Variants in SLC5A4 observed in about 807,000 individuals in gnomAD.
SLC5A4 encodes the protein solute carrier family 5 member 4.
A neutral mutation model predicts 70.3 loss-of-function variants in SLC5A4; 55 were observed. The ratio of observed to expected loss-of-function variants is 0.78; its 90% CI spans 0.63 to 0.98. SLC5A4 has a LOEUF of 0.98. Ranked by LOEUF, SLC5A4 falls within the 50% of genes least tolerant of loss-of-function variation. SLC5A4 has a pLI of 0.00. For synonymous variants in SLC5A4, 268 were observed against 305.7 expected (o/e 0.88, Z 1.29); for missense variants, 735 against 839.2 (o/e 0.88, Z 1.53).
the SLC5A4 span, among the ~76,000 whole-genome samples, chr22:32,294,375 C>T: frequency 2.0e-5 from 3 of 148,866 alleles, no homozygotes; most frequent in African/African-American, 7.4e-5. Flanking sequence ...TGCATATGCA[C>T]ATGCAATTGT....
At chr22:32,324,580 C>T in the SLC5A4 span, among the ~76,000 whole-genome samples, 1 of 152,192 alleles carries the variant, frequency 6.6e-6, no homozygotes, top group African/African-American at 2.4e-5. Flanking sequence ...ACTGGGCGCC[C>T]CTTCAGCGCA....
At chr22:32,323,370 G>A in the SLC5A4 span, among the ~76,000 whole-genome samples, 4 of 152,292 alleles carry the variant, frequency 2.6e-5, no homozygotes, top group East Asian at 7.7e-4. Flanking sequence ...ACCAAGCTCT[G>A]GGATAAAGTC....
the SLC5A4 span, among the ~76,000 whole-genome samples, chr22:32,263,914 C>G: frequency 6.6e-6 from 1 of 152,098 alleles, no homozygotes; most frequent in African/African-American, 2.4e-5. Context: ...ATGGATTAAG[C>G]TGGGAACCAT....
the SLC5A4 span, among the ~76,000 whole-genome samples, chr22:32,354,459 T>C: frequency 6.9e-6 from 1 of 145,718 alleles, no homozygotes; most frequent in African/African-American, 2.6e-5. Flanking sequence ...GCCCTGGATA[T>C]AACACGTCCC....
At chr22:32,301,252 C>T in the SLC5A4 span, among the ~76,000 whole-genome samples, 4 of 152,182 alleles carry the variant, frequency 2.6e-5, no homozygotes, top group South Asian at 2.1e-4. Flanking sequence ...TAAGCCGCCA[C>T]GCCCAGCCAC....
At chr22:32,237,150 C>G (rs1850836564) in intron 7 of SLC5A4, 94 bp downstream of exon 7, 2 of 828,728 alleles carry the variant, frequency 2.4e-6, no homozygotes, top group Non-Finnish European at 4.1e-6. Flanking sequence ...CCAGATGGAA[C>G]TGGAAGGCAT....
At chr22:32,241,775 ATGTGTGTG>A (rs373261572) in intron 5 of SLC5A4, among the ~76,000 whole-genome samples, 4 of 139,104 alleles carry the variant, frequency 2.9e-5, no homozygotes, top group Non-Finnish European at 4.6e-5. Context: ...ACATATATAT[ATGTGTGTG>A]TGTGTGTGTG....
the SLC5A4 span, among the ~76,000 whole-genome samples, chr22:32,309,189 T>C: frequency 6.6e-6 from 1 of 151,934 alleles, no homozygotes; most frequent in Non-Finnish European, 1.5e-5. Flanking sequence ...CTACCAGCTA[T>C]TGGTTCTGAA....
chr22:32,351,392 G>A, the SLC5A4 span, among the ~76,000 whole-genome samples: 3 of 151,346 alleles, frequency 2.0e-5, no homozygotes, highest in Admixed American at 6.6e-5. Flanking sequence ...AAACAATAAC[G>A]GACCGATCAT....
chr22:32,229,080 C>A, intron 11 of SLC5A4, 114 bp downstream of exon 11: 2 of 969,382 alleles, frequency 2.1e-6, no homozygotes, highest in Non-Finnish European at 3.1e-6. Context: ...TGTCTCTTCC[C>A]TCTACCCAGA....
In SLC5A4 at chr22:32,239,916, C is replaced by T. The variant is rs368524973; in HGVS notation, c.478-826G>A. On this transcript the variant is annotated intron_variant, in intron 5 of 14. Coordinates refer to ENST00000266086, the MANE Select transcript of SLC5A4 (RefSeq NM_014227.3). ...GCAGCCGTGTGTAGTCCCAGCTACT[C>T]GGGAGGCTGAGGCAGGAGAATGGTG... Among the ~76,000 whole-genome samples, 688 of 144,144 alleles carry T rather than the reference C, an allele frequency of 4.8e-3. 1 individual carries two copies. The highest frequency in any genetic ancestry group is 0.017 in the African/African-American group (673 of 38,906). The allele number at this position is 144,144 out of a possible 152,430, so 94.6% of individuals were successfully genotyped here. A position where few individuals can be genotyped will look rare whatever the true frequency, so the allele number is the denominator to read the frequency against.
At chr22:32,269,435 C>T in the SLC5A4 span, 1 of 492,216 alleles carries the variant, frequency 2.0e-6, no homozygotes, top group South Asian at 1.8e-5. The surrounding 1 kb of genome is among the most constrained non-coding windows in gnomAD (Gnocchi z 4.1). Flanking sequence ...CATCATCGCC[C>T]TGCAGTTCCT....
chr22:32,308,014 A>C, the SLC5A4 span, among the ~76,000 whole-genome samples: 1 of 152,152 alleles, frequency 6.6e-6, no homozygotes, highest in Non-Finnish European at 1.5e-5. Context: ...TGGCCCTTCA[A>C]CATTGATAAG....
the SLC5A4 span, among the ~76,000 whole-genome samples, chr22:32,345,925 T>G: frequency 6.6e-6 from 1 of 152,202 alleles, no homozygotes; most frequent in African/African-American, 2.4e-5. Context: ...GTGAAAATAT[T>G]CAACAAGAGT....
the SLC5A4 span, among the ~76,000 whole-genome samples, chr22:32,289,191 T>C: frequency 6.6e-6 from 1 of 152,342 alleles, no homozygotes; most frequent in African/African-American, 2.4e-5. Context: ...TGTTGAACTT[T>C]ACATTTTTTT....
At chr22:32,354,064 C>T in the SLC5A4 span, among the ~76,000 whole-genome samples, 1 of 149,176 alleles carries the variant, frequency 6.7e-6, no homozygotes, top group African/African-American at 2.5e-5. Flanking sequence ...CCCGCCGGAA[C>T]CAATGTGGCC....
the SLC5A4 span, among the ~76,000 whole-genome samples, chr22:32,314,229 CT>C: frequency 3.9e-5 from 6 of 152,212 alleles, no homozygotes; most frequent in African/African-American, 7.2e-5. Flanking sequence ...CCATCACCGA[CT>C]TTTTTTTCTC....
chr22:32,308,516 TG>T, the SLC5A4 span, among the ~76,000 whole-genome samples: 1 of 152,236 alleles, frequency 6.6e-6, no homozygotes. Context: ...TGACATGACC[TG>T]AAGAGAGCTT....
At chr22:32,228,982 A>C (rs1221332626) in intron 11 of SLC5A4, among the ~76,000 whole-genome samples, 2 of 152,202 alleles carry the variant, frequency 1.3e-5, no homozygotes, top group East Asian at 3.8e-4. Flanking sequence ...GAAGCATTTG[A>C]AAGACTGAAA....
Sources: allele counts gnomAD v4.1 joint callset (sites outside exome capture counted in the v4.1 genomes callset), GRCh38; gene constraint gnomAD v4.1.1; non-coding constraint Gnocchi (gnomAD v3.1); transcripts MANE v1.5; gene names NCBI Gene and HGNC (gene_info 2026-07-23, HGNC 2026-07-21).